The following EPYC variants were observed in gnomAD, a reference collection of about 807,000 sequenced individuals.
EPYC encodes the protein dermatan sulfate proteoglycan 3.
A neutral mutation model predicts 30.1 loss-of-function variants in EPYC; 28 were observed. The observed-to-expected ratio is 0.93, with a 90% CI of 0.69 to 1.28. The LOEUF is 1.28. EPYC is among the 50% of genes most tolerant of loss of function. The probability of loss-of-function intolerance (pLI) is 0.00; values close to 1 mark genes in which losing one functional copy is unlikely to be tolerated. For missense variants in EPYC, 382 were observed against 383.5 expected (o/e 1.00, Z 0.03); for synonymous variants, 144 against 141.4 (o/e 1.02, Z -0.13).
chr12:90,964,730 C>T (rs1876852988), intron 6 of EPYC, among the ~76,000 whole-genome samples: 2 of 152,064 alleles, frequency 1.3e-5, no homozygotes, highest in Admixed American at 1.3e-4. Context: ...GCACAGAGAA[C>T]ATCAGGTTTA....
rs1430879543 is a variant in EPYC, at chr12:90,970,132, T to C, written c.710A>G (p.Tyr237Cys). The change falls in exon 6 of 7, where the codon TAT (tyrosine) becomes TGT (cysteine). Residue 237 changes from tyrosine (Y) to cysteine (C), a missense_variant. Transcript: ENST00000261172. ...GIKQEAFKDM[Y>C]DLHHLYLTDN... ...AGTGAGGTACAGATGATGGAGATCA[T>C]ACATGTCCTGTAAACATTCCAAATG... 2.5e-6 allele frequency: 4 copies of C among 1,611,660 alleles called. No individual in the cohort carries two copies. Among genetic ancestry groups the C allele is most frequent in the Non-Finnish European group, 1.7e-6 (2 of 1,177,970 alleles).
chr12:90,990,219 A>G (rs970667841), intron 2 of EPYC, among the ~76,000 whole-genome samples: 1 of 152,108 alleles, frequency 6.6e-6, no homozygotes, highest in Non-Finnish European at 1.5e-5. Context: ...AGTGTAACAC[A>G]AAGCAAATTG....
At chr12:90,979,016 TTTATA>T (rs1177480040) in intron 2 of EPYC, among the ~76,000 whole-genome samples, 1 of 152,184 alleles carries the variant, frequency 6.6e-6, no homozygotes, top group Non-Finnish European at 1.5e-5. Flanking sequence ...AAGGTTTTTT[TTTATA>T]TTATATTTTA....
At chr12:90,987,622 G>A (rs1277209622) in intron 2 of EPYC, among the ~76,000 whole-genome samples, 3 of 152,186 alleles carry the variant, frequency 2.0e-5, no homozygotes, top group Middle Eastern at 3.2e-3. Context: ...TAAAGAAGAT[G>A]TGCTTCAACT....
At chr12:90,988,380 T>C (rs1877502684) in intron 2 of EPYC, among the ~76,000 whole-genome samples, 1 of 152,106 alleles carries the variant, frequency 6.6e-6, no homozygotes, top group Non-Finnish European at 1.5e-5. Context: ...AAAGCTGTGT[T>C]CAGAGAGGAA....
intron 6 of EPYC, among the ~76,000 whole-genome samples, chr12:90,964,634 G>C (rs1250182584): frequency 6.6e-6 from 1 of 152,036 alleles, no homozygotes; most frequent in Non-Finnish European, 1.5e-5. Context: ...ACTATGAAAA[G>C]TTATCTTTAG....
At chr12:90,975,718 T>G (rs1877163680) in intron 3 of EPYC, among the ~76,000 whole-genome samples, 1 of 152,152 alleles carries the variant, frequency 6.6e-6, no homozygotes, top group Non-Finnish European at 1.5e-5. Flanking sequence ...TTGAAGGATC[T>G]GAAATCATTT....
chr12:90,971,292 G>A (rs1234559729), intron 5 of EPYC, among the ~76,000 whole-genome samples: 3 of 152,112 alleles, frequency 2.0e-5, no homozygotes, highest in Non-Finnish European at 4.4e-5. Flanking sequence ...CCCTCACAAT[G>A]TACCAGAATA....
In EPYC at chr12:90,971,990, CT is replaced by C; in HGVS notation, c.511del (p.Arg171GlyfsTer4). On this transcript the variant is annotated frameshift_variant, in exon 5 of 7. Coordinates refer to ENST00000261172, the MANE Select transcript of EPYC (RefSeq NM_004950.5). LOFTEE classifies it high-confidence loss of function. ...TATTAAATTTGATGTCAGATCAATC[CT>C]TTTTAAATCACCTAGCAGAAAAAAA... ...NDFASLSDLKRIDLTSNLISE... is the reference protein window; with the variant it reads ...NDFASLSDLKXIDLTSNLISE... 2 of 1,565,600 alleles carry C rather than the reference CT, an allele frequency of 1.3e-6. No individual in the cohort carries two copies. Among genetic ancestry groups the C allele is most frequent in the Admixed American group, 1.8e-5 (1 of 54,902 alleles).
chr12:90,990,551 C>T (rs181549503), intron 2 of EPYC, among the ~76,000 whole-genome samples: 5 of 152,234 alleles, frequency 3.3e-5, no homozygotes, highest in Admixed American at 3.3e-4. Context: ...GCAAAATTAT[C>T]TTAAACAAGT....
In EPYC at chr12:90,973,703, T is replaced by G. The variant is rs114819861; in HGVS notation, c.341-723A>C. ...CAGAGGAAGCAGCATATGCCTTCAC[T>G]TTGGAGGGACTGAAGGATAGTCCAT... On this transcript the variant is annotated intron_variant, in intron 3 of 6. Transcript: ENST00000261172. 8.9e-4 allele frequency among the ~76,000 whole-genome samples: 135 copies of G among 152,210 alleles called. 1 individual carries two copies. Among genetic ancestry groups the G allele is most frequent in the African/African-American group, 3.2e-3 (131 of 41,550 alleles).
rs191349319 is a variant in EPYC, at chr12:90,974,536, G to T, written c.341-1556C>A. Among the ~76,000 whole-genome samples, 206 of 152,160 alleles carry T rather than the reference G, an allele frequency of 1.4e-3. 2 individuals carry two copies. The highest frequency in any genetic ancestry group is 4.7e-3 in the African/African-American group (197 of 41,524). On this transcript the variant is annotated intron_variant, in intron 3 of 6. Coordinates refer to ENST00000261172, the MANE Select transcript of EPYC (RefSeq NM_004950.5). ...AACATGGAAGGAATTTGGAGAAAAA[G>T]ATCCAGAGGAGGTGAATTTGAATAT...
chr12:91,002,568 T>G lies in EPYC; in HGVS notation c.-3A>C. On this transcript the variant is annotated 5_prime_UTR_variant, in exon 2 of 7. Coordinates refer to ENST00000261172, the MANE Select transcript of EPYC (RefSeq NM_004950.5). ...ACAAGTCCTGCTAATGTCTTCATTT[T>G]TCAAGCTTTCCTAATTATAAAATAT... is the stretch of plus-strand genomic sequence containing the variant. 1 of 1,600,106 alleles carries G rather than the reference T, an allele frequency of 6.2e-7. No homozygotes were observed. Among genetic ancestry groups the G allele is most frequent in the Non-Finnish European group, 8.5e-7 (1 of 1,175,728 alleles).
chr12:90,964,110 A>G lies in EPYC; in HGVS notation c.*46T>C. 1 of 1,534,486 alleles carries G rather than the reference A, an allele frequency of 6.5e-7. No homozygotes were observed. The highest frequency in any genetic ancestry group is 8.9e-7 in the Non-Finnish European group (1 of 1,119,742). On this transcript the variant is annotated 3_prime_UTR_variant, in exon 7 of 7. Coordinates refer to ENST00000261172, the MANE Select transcript of EPYC (RefSeq NM_004950.5). ...TTTGTTTTGGAAGAGAGCAGTAAGAATGGTTTATTTATAGTAGCCATCGTA... is the reference window on the plus strand; with the variant it reads ...TTTGTTTTGGAAGAGAGCAGTAAGAGTGGTTTATTTATAGTAGCCATCGTA...
intron 2 of EPYC, among the ~76,000 whole-genome samples, chr12:90,994,306 A>G (rs912831507): frequency 6.6e-6 from 1 of 152,184 alleles, no homozygotes; most frequent in Non-Finnish European, 1.5e-5. Flanking sequence ...GAGTGATTCA[A>G]TGGTAAAGTT....
intron 2 of EPYC, among the ~76,000 whole-genome samples, chr12:90,984,973 A>G (rs1467097806): frequency 6.6e-6 from 1 of 152,188 alleles, no homozygotes; most frequent in East Asian, 1.9e-4. Flanking sequence ...TACGGGGTCT[A>G]GGGCAAACCT....
intron 2 of EPYC, among the ~76,000 whole-genome samples, chr12:90,990,136 G>A (rs535894161): frequency 6.6e-6 from 1 of 152,074 alleles, no homozygotes; most frequent in Admixed American, 6.6e-5. Flanking sequence ...AAGATATTTG[G>A]AACCTTCAAA....
intron 2 of EPYC, among the ~76,000 whole-genome samples, chr12:90,987,763 A>G (rs1368423936): frequency 6.6e-6 from 1 of 152,190 alleles, no homozygotes; most frequent in African/African-American, 2.4e-5. Flanking sequence ...AACTCTGAGA[A>G]GCACTATCTA....
intron 3 of EPYC, 113 bp downstream of exon 3, chr12:90,977,975 T>A (rs1728354033): frequency 1.1e-6 from 1 of 892,174 alleles, no homozygotes; most frequent in African/African-American, 1.7e-5. Context: ...CCTAGCCTAT[T>A]CCAAAACTTT....
Sources: gnomAD v4.1 joint callset for allele counts (sites outside exome capture counted in the v4.1 genomes callset) on GRCh38, gnomAD v4.1.1 for gene constraint, MANE v1.5 for transcripts, NCBI Gene and HGNC (gene_info 2026-07-23, HGNC 2026-07-21) for gene names.